USH2A: variants seen among roughly 807,000 people sequenced by gnomAD.
USH2A encodes the protein Usher syndrome 2A (autosomal recessive, mild).
A neutral mutation model predicts 538.9 loss-of-function variants in USH2A; 443 were observed. That is an observed-to-expected ratio of 0.82 (90% CI 0.76 to 0.89). The LOEUF is 0.89. Among genes scored for constraint, USH2A ranks in the 40% least tolerant of loss-of-function variants. The probability of loss-of-function intolerance (pLI) is 0.00; values close to 1 mark genes in which losing one functional copy is unlikely to be tolerated. For synonymous variants in USH2A, 2,413 were observed against 2,273.5 expected, an observed-to-expected ratio of 1.06 and a Z score of -1.75; for missense variants, 6,633 against 6,324.8, an observed-to-expected ratio of 1.05 and a Z score of -1.65.
chr1:216,374,641 G>A (rs1489793544), intron 3 of USH2A, among the ~76,000 whole-genome samples: 1 of 151,906 alleles, frequency 6.6e-6, no homozygotes, highest in African/African-American at 2.4e-5. Flanking sequence ...TATATGCTTA[G>A]GCTTATTTTT....
At chr1:215,912,493 G>GTATATATA (rs1234666784) in intron 38 of USH2A, among the ~76,000 whole-genome samples, 3 of 22,094 alleles carry the variant, frequency 1.4e-4, no homozygotes, top group Non-Finnish European at 3.0e-4. Flanking sequence ...ATATATATGT[G>GTATATATA]TATATATATA....
chr1:215,841,248 G>A (rs1299834320), intron 46 of USH2A, among the ~76,000 whole-genome samples: 2 of 152,040 alleles, frequency 1.3e-5, no homozygotes, highest in Admixed American at 6.5e-5. Context: ...ACAATCATAA[G>A]CAAAAAGAAC....
intron 14 of USH2A, among the ~76,000 whole-genome samples, chr1:216,223,814 A>G (rs896859881): frequency 1.9e-4 from 29 of 152,342 alleles, no homozygotes; most frequent in African/African-American, 6.7e-4. Context: ...TTTCATCTGA[A>G]GTCATTGACC....
chr1:215,810,298 T>C (rs548154385), intron 49 of USH2A, among the ~76,000 whole-genome samples: 1 of 152,274 alleles, frequency 6.6e-6, no homozygotes, highest in East Asian at 1.9e-4. Flanking sequence ...CTTCTGAGCT[T>C]CCATGAGTTA....
rs758476981 is a variant in USH2A at position 216,324,241 on chromosome 1, A to G, written c.1255T>C (p.Cys419Arg). ...TTGTTTTTCATTCCAAAAGCACCAC[A>G]ATTCCTGGCAAAATATTGCCAGTCC... ...WEDWQYFARN[C>R]GAFGMKNNGD... is the part of the protein sequence containing the mutation. The change falls in exon 7 of 72, where the codon TGT (cysteine) becomes CGT (arginine). Residue 419 changes from cysteine (C) to arginine (R), a missense_variant. Transcript: ENST00000307340. 1 of 1,613,444 alleles carries G rather than the reference A, an allele frequency of 6.2e-7. No homozygotes were observed. Among genetic ancestry groups the G allele is most frequent in the Non-Finnish European group, 8.5e-7 (1 of 1,179,736 alleles).
At chr1:216,109,143 A>G (rs1031007347) in intron 21 of USH2A, among the ~76,000 whole-genome samples, 5 of 152,162 alleles carry the variant, frequency 3.3e-5, no homozygotes, top group East Asian at 1.9e-4. Context: ...CTGGAATCCA[A>G]TCATGGCAAA....
rs116330372 is a variant in USH2A at position 215,957,619 on chromosome 1, G to T, written c.7120+7698C>A. The stretch of plus-strand genomic sequence containing the variant: ...AAATCAGAATATGTGGGCATAAAAA[G>T]AAATAGACCAACGACAAGCCACATT... On this transcript the variant is annotated intron_variant, in intron 37 of 71. Coordinates refer to ENST00000307340, the MANE Select transcript of USH2A (RefSeq NM_206933.4). Among the ~76,000 whole-genome samples the T allele has an allele frequency of 7.5e-3, 1,146 of 152,154 alleles. 14 individuals carry two copies. The highest frequency in any genetic ancestry group is 0.026 in the African/African-American group (1,071 of 41,516).
At chr1:216,260,685 A>G (rs1482656398) in intron 11 of USH2A, among the ~76,000 whole-genome samples, 1 of 152,164 alleles carries the variant, frequency 6.6e-6, no homozygotes, top group Non-Finnish European at 1.5e-5. Flanking sequence ...CAGCCAGCCA[A>G]ACTAATCCTA....
At chr1:216,391,972 T>C (rs562053003) in intron 3 of USH2A, among the ~76,000 whole-genome samples, 67 of 152,310 alleles carry the variant, frequency 4.4e-4, no homozygotes, top group Non-Finnish European at 8.7e-4. Context: ...GCCTCAGTAG[T>C]CTCATCTGTA....
intron 37 of USH2A, among the ~76,000 whole-genome samples, chr1:215,946,710 A>G (rs1232373312): frequency 6.6e-6 from 1 of 152,210 alleles, no homozygotes; most frequent in Non-Finnish European, 1.5e-5. Context: ...TGAGCACTTG[A>G]AATGTGGGTA....
intron 55 of USH2A, among the ~76,000 whole-genome samples, chr1:215,778,166 C>T (rs1023416618): frequency 6.6e-6 from 1 of 152,018 alleles, no homozygotes; most frequent in Non-Finnish European, 1.5e-5. Flanking sequence ...ATTCCCCTAC[C>T]TCAGCCTCCA....
chr1:215,861,886 C>T (rs893553724), intron 44 of USH2A, among the ~76,000 whole-genome samples: 3 of 135,904 alleles, frequency 2.2e-5, no homozygotes, highest in Non-Finnish European at 4.5e-5. Context: ...TGTCACCAGG[C>T]TGGAGTGCAG....
At chr1:216,025,692 T>C (rs2102505843) in intron 32 of USH2A, among the ~76,000 whole-genome samples, 1 of 152,218 alleles carries the variant, frequency 6.6e-6, no homozygotes, top group African/African-American at 2.4e-5. Flanking sequence ...TATGTGCCTT[T>C]ATAGAAACCA....
At chr1:216,098,864 T>C (rs2032510812) in intron 21 of USH2A, among the ~76,000 whole-genome samples, 1 of 152,140 alleles carries the variant, frequency 6.6e-6, no homozygotes, top group Admixed American at 6.6e-5. Flanking sequence ...TTTTAGAGAA[T>C]ATGAAGGATT....
chr1:215,907,602 G>A (rs1665673264), intron 38 of USH2A, among the ~76,000 whole-genome samples: 1 of 152,010 alleles, frequency 6.6e-6, no homozygotes, highest in African/African-American at 2.4e-5. Flanking sequence ...AAACTTCACT[G>A]AGCATCTTAA....
chr1:216,394,843 C>T (rs1188340427), intron 3 of USH2A, among the ~76,000 whole-genome samples: 2 of 151,368 alleles, frequency 1.3e-5, no homozygotes, highest in Admixed American at 6.6e-5. Flanking sequence ...CTCAGCCTCC[C>T]AAGTAGCTGG....
chr1:215,782,748 T>A lies in USH2A; in HGVS notation c.10575A>T (p.Ile3525=). Residue 3525 remains isoleucine (I), a synonymous_variant, in exon 53 of 72, where the codon ATA becomes ATT. Coordinates refer to ENST00000307340, the MANE Select transcript of USH2A (RefSeq NM_206933.4). The part of the protein sequence containing the change: ...DTIVLNWRKP[I]QSNGPIIYYI... ...AAGGTATCTCAATACCATTTGATTG[T>A]ATAGGTTTTCTCCAGTTTAAGACAA... is the stretch of plus-strand genomic sequence containing the variant. 6.2e-7 allele frequency: 1 copy of A among 1,613,676 alleles called. No individual in the cohort carries two copies. Among genetic ancestry groups the A allele is most frequent in the East Asian group, 2.2e-5 (1 of 44,866 alleles).
At position 215,791,037 on chromosome 1, in the gene USH2A, C is replaced by T. The variant is rs114587851; in HGVS notation, c.9959-755G>A. ...CACATCTAAACGAAAGACACACGTACCTGAGATACCAAATAGACATTTTCT... is the reference window on the plus strand; with the variant it reads ...CACATCTAAACGAAAGACACACGTATCTGAGATACCAAATAGACATTTTCT... On this transcript the variant is annotated intron_variant, in intron 50 of 71. Transcript: ENST00000307340. 1.5e-3 allele frequency among the ~76,000 whole-genome samples: 224 copies of T among 152,172 alleles called. 3 individuals are homozygous for T. The highest frequency in any genetic ancestry group is 5.3e-3 in the African/African-American group (219 of 41,528).
intron 11 of USH2A, among the ~76,000 whole-genome samples, chr1:216,267,486 T>C (rs1464289531): frequency 1.3e-5 from 2 of 152,006 alleles, no homozygotes; most frequent in Non-Finnish European, 2.9e-5. Context: ...AGTTTTTAAA[T>C]GGAAACAATA....
Sources: allele counts gnomAD v4.1 joint callset (sites outside exome capture counted in the v4.1 genomes callset), GRCh38; gene constraint gnomAD v4.1.1; transcripts MANE v1.5; gene names NCBI Gene and HGNC (gene_info 2026-07-23, HGNC 2026-07-21).